NSMAF: variants seen among roughly 807,000 people sequenced by gnomAD.
NSMAF encodes neutral sphingomyelinase activation associated factor, also known as protein FAN.
Under a neutral mutation model 134.9 loss-of-function variants are expected in NSMAF, and 90 were observed. The ratio of observed to expected loss-of-function variants is 0.67; its 90% CI spans 0.56 to 0.79. NSMAF has a LOEUF of 0.79. Ranked by LOEUF, NSMAF falls within the 30% of genes least tolerant of loss-of-function variation. The probability of loss-of-function intolerance (pLI) is 0.00; values close to 1 mark genes in which losing one functional copy is unlikely to be tolerated. For missense variants in NSMAF, 1,010 were observed against 1,119.0 expected, an observed-to-expected ratio of 0.90 and a Z score of 1.39; for synonymous variants, 358 against 389.6, an observed-to-expected ratio of 0.92 and a Z score of 0.96.
At position 58,613,297 on chromosome 8, in the gene NSMAF, A is replaced by G. The variant is rs567918619; in HGVS notation, c.558-3564T>C. On this transcript the variant is annotated intron_variant, in intron 9 of 30. Coordinates refer to ENST00000038176, the MANE Select transcript of NSMAF (RefSeq NM_003580.4). ...ATTGTGGGTTTTATGGATTATGCATAAATTAGCCACAAGATAAGATCATAA... is the reference window on the plus strand; with the variant it reads ...ATTGTGGGTTTTATGGATTATGCATGAATTAGCCACAAGATAAGATCATAA... Among the ~76,000 whole-genome samples the G allele has an allele frequency of 2.0e-5, 3 of 152,324 alleles. No homozygotes were observed. The South Asian group carries it at 6.2e-4, about 32-fold the overall frequency.
chr8:58,629,597 T>G (rs980642326), intron 6 of NSMAF, among the ~76,000 whole-genome samples: 2 of 143,086 alleles, frequency 1.4e-5, no homozygotes, highest in Non-Finnish European at 3.0e-5. Flanking sequence ...CTCCCTCTAA[T>G]TTTGTGCTAA....
intron 9 of NSMAF, among the ~76,000 whole-genome samples, chr8:58,618,968 C>G (rs552819020): frequency 6.6e-6 from 1 of 152,092 alleles, no homozygotes; most frequent in Non-Finnish European, 1.5e-5. Flanking sequence ...TACATTAAAA[C>G]GTTCACAGTG....
At chr8:58,607,213 C>A (rs1806429559) in intron 11 of NSMAF, among the ~76,000 whole-genome samples, 1 of 152,186 alleles carries the variant, frequency 6.6e-6, no homozygotes. Flanking sequence ...GGATTGGTTA[C>A]TAAAGTAAGA....
In NSMAF at chr8:58,609,600, A is replaced by G. The variant is rs770845010; in HGVS notation, c.687+4T>C. On this transcript the variant is annotated splice_donor_region_variant and intron_variant, in intron 10 of 30. Transcript: ENST00000038176. ...CTCCCCACCTGACCCTGTGGTCTAC[A>G]CACCGGGTAGCCGTTGAGGGGCTGA... 6.2e-7 allele frequency: 1 copy of G among 1,614,050 alleles called. No homozygotes were observed. The highest frequency in any genetic ancestry group is 8.5e-7 in the Non-Finnish European group (1 of 1,179,942).
intron 1 of NSMAF, among the ~76,000 whole-genome samples, chr8:58,648,539 A>C (rs941576208): frequency 6.6e-6 from 1 of 152,216 alleles, no homozygotes; most frequent in Admixed American, 6.5e-5. Flanking sequence ...AAGTCATTTC[A>C]GAAGTTTTCA....
intron 1 of NSMAF, among the ~76,000 whole-genome samples, chr8:58,655,430 C>T (rs1807682206): frequency 6.7e-6 from 1 of 150,320 alleles, no homozygotes; most frequent in African/African-American, 2.5e-5. Flanking sequence ...GATAGGGTCT[C>T]ACTGTGTCAC....
Position 58,609,528 on chromosome 8 carries a change from C to A in NSMAF, c.687+76G>T, listed in dbSNP as rs1035611898. On this transcript the variant is annotated intron_variant, in intron 10 of 30. Transcript: ENST00000038176. ...TTGATCCTCATCAAAAAGTGAGGTC[C>A]CTGGCATTGTGAGGCCATGGTCTGG... The A allele has an allele frequency of 3.3e-6, 5 of 1,502,064 alleles. No individual in the cohort carries two copies. The African/African-American group carries it at 6.9e-5, about 21-fold the overall frequency. The allele number at this position is 1,502,064 out of a possible 1,614,324, so 93.0% of individuals were successfully genotyped here. A position where few individuals can be genotyped will look rare whatever the true frequency, so the allele number is the denominator to read the frequency against.
chr8:58,594,485 T>C, intron 22 of NSMAF, 195 bp from the exon 23 acceptor site: 1 of 577,738 alleles, frequency 1.7e-6, no homozygotes. Flanking sequence ...GCAACGCCTG[T>C]GGCTAGAAAA....
At chr8:58,584,317 T>C (rs911709572) in intron 30 of NSMAF, 117 bp from the exon 31 acceptor site, 2 of 710,302 alleles carry the variant, frequency 2.8e-6, no homozygotes, top group African/African-American at 3.6e-5. Context: ...TGAAGTAAGT[T>C]CTATTTTTTC....
intron 14 of NSMAF, among the ~76,000 whole-genome samples, 163 bp downstream of exon 14, chr8:58,601,895 G>T (rs942422487): frequency 1.3e-5 from 2 of 152,184 alleles, no homozygotes; most frequent in African/African-American, 2.4e-5. Flanking sequence ...AAATGCAAAT[G>T]GTGAGCAGCT....
At chr8:58,626,556 T>C (rs1370954025) in intron 6 of NSMAF, among the ~76,000 whole-genome samples, 1 of 152,252 alleles carries the variant, frequency 6.6e-6, no homozygotes, top group Non-Finnish European at 1.5e-5. Flanking sequence ...TTTTGTTTTA[T>C]GGCTCAGTAG....
rs965236668 is a variant in NSMAF at position 58,659,691 on chromosome 8, G to C, written c.-60C>G. ...GCAGGCCCCGCCGCCGCCTGCCGAG[G>C]AGGTCCGGAGGAGCCGGGGAGGGCG... On this transcript the variant is annotated 5_prime_UTR_variant, in exon 1 of 31. Coordinates refer to ENST00000038176, the MANE Select transcript of NSMAF (RefSeq NM_003580.4). The C allele has an allele frequency of 2.3e-6, 3 of 1,293,014 alleles. No homozygotes were observed. The highest frequency in any genetic ancestry group is 3.0e-6 in the Non-Finnish European group (3 of 1,004,294). 80.1% of individuals were successfully genotyped at this position (1,293,014 alleles called of 1,614,324 possible). A position where few individuals can be genotyped will look rare whatever the true frequency, so the allele number is the denominator to read the frequency against.
At chr8:58,658,147 T>TGTTC (rs1807763893) in intron 1 of NSMAF, among the ~76,000 whole-genome samples, 1 of 152,290 alleles carries the variant, frequency 6.6e-6, no homozygotes, top group Admixed American at 6.5e-5. Flanking sequence ...TAAATATGAA[T>TGTTC]GTTCACCCAC....
At chr8:58,584,595 C>CA (rs1166936377) in intron 30 of NSMAF, among the ~76,000 whole-genome samples, 16 of 152,182 alleles carry the variant, frequency 1.1e-4, no homozygotes, top group African/African-American at 3.9e-4. Flanking sequence ...TGGAAGGGGT[C>CA]AAATCACATT....
At chr8:58,611,174 A>C (rs566211902) in intron 9 of NSMAF, among the ~76,000 whole-genome samples, 8 of 152,164 alleles carry the variant, frequency 5.3e-5, no homozygotes, top group Non-Finnish European at 1.0e-4. Context: ...GAGAGAAAAG[A>C]CTCTATAGAA....
intron 2 of NSMAF, among the ~76,000 whole-genome samples, chr8:58,640,703 G>C (rs1807315121): frequency 6.6e-6 from 1 of 151,804 alleles, no homozygotes; most frequent in African/African-American, 2.4e-5. Context: ...AAATTCATTT[G>C]TTTCTTGTCT....
intron 9 of NSMAF, among the ~76,000 whole-genome samples, chr8:58,611,250 A>G (rs1216559274): frequency 3.3e-5 from 5 of 152,208 alleles, no homozygotes; most frequent in Non-Finnish European, 7.3e-5. Flanking sequence ...ATGATAAAGG[A>G]TCAAGAACAG....
intron 30 of NSMAF, 21 bp downstream of exon 30, chr8:58,585,631 G>A (rs12677290): frequency 0.36 from 543,733 of 1,513,798 alleles, 102,061 homozygotes; most frequent in East Asian, 0.57. Context: ...AAAGATCAAG[G>A]CAACTGCAGT....
At chr8:58,627,614 T>C (rs930418050) in intron 6 of NSMAF, among the ~76,000 whole-genome samples, 19 of 151,688 alleles carry the variant, frequency 1.3e-4, no homozygotes, top group Admixed American at 1.1e-3. Context: ...TTATAACAGC[T>C]GCAAAAAAAA....
Sources: gnomAD v4.1 joint callset for allele counts (sites outside exome capture counted in the v4.1 genomes callset) on GRCh38, gnomAD v4.1.1 for gene constraint, MANE v1.5 for transcripts, NCBI Gene and HGNC (gene_info 2026-07-23, HGNC 2026-07-21) for gene names.